Variants in PTK2 observed in about 807,000 individuals in gnomAD.
PTK2 encodes focal adhesion kinase 1.
PTK2 carries 45 observed loss-of-function variants against 150.1 expected under a neutral mutation model. The ratio of observed to expected loss-of-function variants is 0.30; its 90% CI spans 0.24 to 0.38. PTK2 has a LOEUF of 0.38. PTK2 is among the 10% of genes least tolerant of loss of function. The pLI is 1.00. For missense variants in PTK2, 919 were observed against 1,307.3 expected (o/e 0.70, Z 4.58); for synonymous variants, 432 against 449.2 (o/e 0.96, Z 0.48).
At chr8:140,934,149 A>C (rs2100172846) in intron 1 of PTK2, among the ~76,000 whole-genome samples, 1 of 152,226 alleles carries the variant, frequency 6.6e-6, no homozygotes, top group South Asian at 2.1e-4. Context: ...TCATATATCT[A>C]ATAAATCATT....
intron 26 of PTK2, among the ~76,000 whole-genome samples, chr8:140,693,113 A>G (rs1425264251): frequency 6.6e-5 from 10 of 152,210 alleles, no homozygotes; most frequent in Admixed American, 4.6e-4. Context: ...GCAATGCCCA[A>G]TGGGAAAGAA....
At chr8:140,986,024 T>G (rs1187824100) in intron 1 of PTK2, among the ~76,000 whole-genome samples, 1 of 152,220 alleles carries the variant, frequency 6.6e-6, no homozygotes, top group Non-Finnish European at 1.5e-5. Context: ...TTAGTGGTTT[T>G]CAAATGCAGA....
chr8:140,943,034 G>A (rs763932299), intron 1 of PTK2, among the ~76,000 whole-genome samples: 29 of 152,068 alleles, frequency 1.9e-4, no homozygotes, highest in African/African-American at 4.1e-4. Flanking sequence ...AAAGCTCTCC[G>A]ACGCCTCCCT....
intron 17 of PTK2, among the ~76,000 whole-genome samples, chr8:140,749,987 T>C (rs2100061741): frequency 1.3e-5 from 2 of 152,168 alleles, no homozygotes; most frequent in South Asian, 4.1e-4. Context: ...TTTTTGAAAA[T>C]ATAAAATGCA....
At chr8:140,802,963 T>C (rs530490956) in intron 11 of PTK2, among the ~76,000 whole-genome samples, 1 of 150,560 alleles carries the variant, frequency 6.6e-6, no homozygotes, top group Non-Finnish European at 1.5e-5. Context: ...TGACTGTACA[T>C]ATAATTCCAA....
chr8:140,919,390 T>C (rs2154608223), intron 2 of PTK2, among the ~76,000 whole-genome samples: 1 of 152,326 alleles, frequency 6.6e-6, no homozygotes, highest in South Asian at 2.1e-4. Flanking sequence ...AACACTATAA[T>C]CTCTTTTCTT....
chr8:140,940,253 G>A (rs1297526477), intron 1 of PTK2, among the ~76,000 whole-genome samples: 1 of 152,152 alleles, frequency 6.6e-6, no homozygotes, highest in Non-Finnish European at 1.5e-5. Flanking sequence ...CATTTGGGAG[G>A]CCGAGGCGGG....
intron 7 of PTK2, among the ~76,000 whole-genome samples, chr8:140,838,745 G>A (rs2100120343): frequency 6.6e-6 from 1 of 152,122 alleles, no homozygotes; most frequent in Admixed American, 6.5e-5. Flanking sequence ...GGTGGCTCAC[G>A]CTTGTAAGCC....
chr8:140,796,890 T>C (rs1333846260), intron 12 of PTK2, among the ~76,000 whole-genome samples: 1 of 152,112 alleles, frequency 6.6e-6, no homozygotes, highest in East Asian at 1.9e-4. Context: ...ACACACACAT[T>C]TACATGTAGG....
intron 4 of PTK2, among the ~76,000 whole-genome samples, chr8:140,874,775 T>C (rs139400852): frequency 6.6e-6 from 1 of 152,322 alleles, no homozygotes; most frequent in East Asian, 1.9e-4. Flanking sequence ...GTAATACTGT[T>C]ATTAACTTAA....
chr8:140,866,099 A>C (rs2100139100), intron 4 of PTK2, among the ~76,000 whole-genome samples: 1 of 152,122 alleles, frequency 6.6e-6, no homozygotes, highest in Non-Finnish European at 1.5e-5. Flanking sequence ...CCTGGGCACT[A>C]TTTCTCTTAA....
At chr8:140,736,209 T>C (rs894996150) in intron 21 of PTK2, among the ~76,000 whole-genome samples, 8 of 152,236 alleles carry the variant, frequency 5.3e-5, no homozygotes, top group Non-Finnish European at 1.0e-4. Context: ...AATGAAATCA[T>C]GTCCTTGGCA....
intron 2 of PTK2, chr8:140,921,262 G>A (rs2100167314): frequency 2.3e-6 from 1 of 428,982 alleles, no homozygotes; most frequent in Non-Finnish European, 3.3e-6. Flanking sequence ...AAAGAGGGAG[G>A]AGAAAAAGAA....
chr8:140,809,635 T>C (rs2100100245), intron 10 of PTK2, among the ~76,000 whole-genome samples: 1 of 151,978 alleles, frequency 6.6e-6, no homozygotes, highest in African/African-American at 2.4e-5. Flanking sequence ...CAAAACCCCC[T>C]CTCTACAAAA....
rs111558991 is a variant in PTK2, at chr8:140,846,867, T to C, written c.451-189A>G. On this transcript the variant is annotated intron_variant, in intron 5 of 31. Transcript: ENST00000522684. ...ATAGTTTACATTGTGTCGGTAATTA[T>C]GCTTGATGTTAAAGATATAAATAAA... Among the ~76,000 whole-genome samples, 189 of 152,282 alleles carry C rather than the reference T, an allele frequency of 1.2e-3. 1 individual carries two copies. Among genetic ancestry groups the C allele is most frequent in the Non-Finnish European group, 2.0e-3 (139 of 68,002 alleles).
chr8:140,856,459 CAG>C (rs373649668), intron 5 of PTK2, among the ~76,000 whole-genome samples: 1 of 152,128 alleles, frequency 6.6e-6, no homozygotes, highest in African/African-American at 2.4e-5. Flanking sequence ...ATTTATATAA[CAG>C]AATACTACTC....
chr8:140,788,387 C>A (rs1006366632), intron 14 of PTK2, among the ~76,000 whole-genome samples: 5 of 151,960 alleles, frequency 3.3e-5, no homozygotes, highest in East Asian at 1.9e-4. Flanking sequence ...ATTAAAAAAA[C>A]AAACAAACAA....
At chr8:140,760,259 T>C (rs1332825208) in intron 16 of PTK2, among the ~76,000 whole-genome samples, 1 of 151,906 alleles carries the variant, frequency 6.6e-6, no homozygotes, top group Non-Finnish European at 1.5e-5. Context: ...TATATATATA[T>C]CCACAGAAAA....
At chr8:140,725,475 G>A (rs1005858660) in intron 22 of PTK2, among the ~76,000 whole-genome samples, 1 of 152,208 alleles carries the variant, frequency 6.6e-6, no homozygotes, top group Non-Finnish European at 1.5e-5. Context: ...GGAAGAGAAC[G>A]GCACTGGGTG....
Sources: allele counts gnomAD v4.1 joint callset (sites outside exome capture counted in the v4.1 genomes callset), GRCh38; gene constraint gnomAD v4.1.1; transcripts MANE v1.5; gene names NCBI Gene and HGNC (gene_info 2026-07-23, HGNC 2026-07-21).